Variants in SNX13 observed in about 807,000 individuals in gnomAD.
SNX13 encodes the protein sorting nexin-13.
SNX13 carries 45 observed loss-of-function variants against 133.6 expected under a neutral mutation model. The observed-to-expected ratio is 0.34, with a 90% CI of 0.27 to 0.43. The LOEUF (loss-of-function observed/expected upper bound fraction) is 0.43, where lower values mean the gene tolerates loss of function less well. Among genes scored for constraint, SNX13 ranks in the 20% least tolerant of loss-of-function variants. The pLI, the probability that SNX13 is intolerant of heterozygous loss-of-function variation, is 1.00. For missense variants in SNX13, 1,032 were observed against 1,145.1 expected, an observed-to-expected ratio of 0.90 and a Z score of 1.43; for synonymous variants, 414 against 373.9, an observed-to-expected ratio of 1.11 and a Z score of -1.24.
chr7:17,804,399 A>T (rs1784957370), intron 20 of SNX13, among the ~76,000 whole-genome samples: 1 of 152,158 alleles, frequency 6.6e-6, no homozygotes, highest in South Asian at 2.1e-4. Flanking sequence ...AGAATACATT[A>T]TATGTGCAAT....
intron 1 of SNX13, among the ~76,000 whole-genome samples, chr7:17,937,041 G>A (rs1044371468): frequency 2.2e-4 from 29 of 134,830 alleles, no homozygotes; most frequent in Admixed American, 2.0e-3. Flanking sequence ...AAACTAGCTA[G>A]ACGTTACATA....
At chr7:17,871,482 T>C (rs1047726305) in intron 8 of SNX13, among the ~76,000 whole-genome samples, 2 of 152,200 alleles carry the variant, frequency 1.3e-5, no homozygotes, top group East Asian at 1.9e-4. Flanking sequence ...TGAGTTTCCA[T>C]GTCTGTTCAT....
chr7:17,820,564 T>C (rs1358678305), intron 18 of SNX13, among the ~76,000 whole-genome samples: 5 of 152,132 alleles, frequency 3.3e-5, no homozygotes, highest in Non-Finnish European at 7.4e-5. Flanking sequence ...GAAGTCAACA[T>C]TAACTTCTTT....
chr7:17,845,332 A>G (rs1445999093), intron 12 of SNX13, among the ~76,000 whole-genome samples: 5 of 152,190 alleles, frequency 3.3e-5, no homozygotes, highest in Non-Finnish European at 7.4e-5. Context: ...AGTAGTCAAA[A>G]TTATAGAGAC....
chr7:17,910,616 T>C (rs983255301), intron 1 of SNX13, among the ~76,000 whole-genome samples: 1 of 152,134 alleles, frequency 6.6e-6, no homozygotes, highest in African/African-American at 2.4e-5. Context: ...TGTACACACA[T>C]GTTCACAGCA....
chr7:17,911,979 T>C (rs1799031734), intron 1 of SNX13, among the ~76,000 whole-genome samples: 1 of 152,214 alleles, frequency 6.6e-6, no homozygotes. Context: ...ATTCTATATT[T>C]GCAATCAGAG....
chr7:17,914,774 C>A (rs567044108), intron 1 of SNX13, among the ~76,000 whole-genome samples: 2 of 152,274 alleles, frequency 1.3e-5, no homozygotes, highest in East Asian at 1.9e-4. Flanking sequence ...CAAAAGCACA[C>A]GTAAGCACAT....
At chr7:17,833,521 A>C (rs1392179400) in intron 15 of SNX13, among the ~76,000 whole-genome samples, 3 of 151,662 alleles carry the variant, frequency 2.0e-5, no homozygotes, top group Non-Finnish European at 4.4e-5. Flanking sequence ...TATAACATGT[A>C]AATAGAACTC....
intron 15 of SNX13, chr7:17,830,884 C>T: frequency 2.0e-6 from 2 of 984,338 alleles, no homozygotes; most frequent in Non-Finnish European, 2.4e-6. Context: ...AAAAAAGCAA[C>T]ACTACTATTC....
At chr7:17,912,050 C>T (rs1382741341) in intron 1 of SNX13, among the ~76,000 whole-genome samples, 1 of 152,118 alleles carries the variant, frequency 6.6e-6, no homozygotes, top group African/African-American at 2.4e-5. Flanking sequence ...GTGCCTCAGC[C>T]ACTTGGAATT....
intron 13 of SNX13, among the ~76,000 whole-genome samples, chr7:17,835,451 A>C (rs959363504): frequency 2.6e-5 from 4 of 151,972 alleles, no homozygotes; most frequent in African/African-American, 9.7e-5. Context: ...AAAAGTCTTA[A>C]AATTAATTTG....
chr7:17,854,657 C>T (rs547116560), intron 9 of SNX13, among the ~76,000 whole-genome samples: 24 of 152,224 alleles, frequency 1.6e-4, no homozygotes, highest in African/African-American at 5.5e-4. Flanking sequence ...TGTTTTGGTG[C>T]ACTACAAAAC....
intron 12 of SNX13, among the ~76,000 whole-genome samples, chr7:17,843,930 A>T (rs984269410): frequency 1.3e-5 from 2 of 151,956 alleles, no homozygotes; most frequent in Non-Finnish European, 2.9e-5. Flanking sequence ...AACATAACAC[A>T]CCAAACTAAT....
chr7:17,886,712 C>A (rs1796034894), intron 5 of SNX13, among the ~76,000 whole-genome samples: 1 of 152,136 alleles, frequency 6.6e-6, no homozygotes, highest in South Asian at 2.1e-4. Flanking sequence ...GTTATAGTTT[C>A]TACTACACTA....
intron 25 of SNX13, 97 bp downstream of exon 25, chr7:17,796,727 AGTT>A (rs1352803681): frequency 5.0e-6 from 4 of 797,828 alleles, no homozygotes; most frequent in Non-Finnish European, 8.7e-6. Flanking sequence ...ATCAAAAGGT[AGTT>A]GTTATAATCA....
At chr7:17,818,371 A>G (rs906644427) in intron 18 of SNX13, among the ~76,000 whole-genome samples, 6 of 152,224 alleles carry the variant, frequency 3.9e-5, no homozygotes, top group Non-Finnish European at 7.3e-5. Context: ...TAAAAACCAC[A>G]GTAACAGTTA....
rs142513361 is a variant in SNX13, at chr7:17,796,805, T to C, written c.2626+22A>G. On this transcript the variant is annotated intron_variant, in intron 25 of 25. Coordinates refer to ENST00000428135, the MANE Select transcript of SNX13 (RefSeq NM_015132.5). ...GAAGAATGACAAATTATAAAGATTT[T>C]TAACTATACATGCTCACTCACCTGG... 70 of 1,520,312 alleles carry C rather than the reference T, an allele frequency of 4.6e-5. No homozygotes were observed. The African/African-American group carries it at 8.1e-4, about 18-fold the overall frequency. 94.2% of individuals were successfully genotyped at this position (1,520,312 alleles called of 1,614,324 possible). A position where few individuals can be genotyped will look rare whatever the true frequency, so the allele number is the denominator to read the frequency against.
At chr7:17,940,189 C>A (rs375935297) in intron 1 of SNX13, 95 bp downstream of exon 1, 2 of 1,513,882 alleles carry the variant, frequency 1.3e-6, no homozygotes, top group East Asian at 2.5e-5. Context: ...GGCGAAGGGT[C>A]AGGCCCACCT....
Position 17,875,482 on chromosome 7 carries a change from T to C in SNX13, c.662A>G (p.Glu221Gly). 1 of 1,604,326 alleles carries C rather than the reference T, an allele frequency of 6.2e-7. No homozygotes were observed. The highest frequency in any genetic ancestry group is 8.5e-7 in the Non-Finnish European group (1 of 1,177,600). The change falls in exon 7 of 26, where the codon GAA becomes GGA. Residue 221 changes from glutamate (E) to glycine (G), a missense_variant and splice_region_variant. Glu to Gly is a moderately conservative substitution (Grantham distance 98). Coordinates refer to ENST00000428135, the MANE Select transcript of SNX13 (RefSeq NM_015132.5). ...AAAAAGTTAAATTAAAAGAAAACCT[T>C]CTTCATCTTTGGGGGAAGTGCACAC... ...DLVCTSPKDE[E>G]GFLRDLCEVL...
Sources: allele counts gnomAD v4.1 joint callset (sites outside exome capture counted in the v4.1 genomes callset), GRCh38; gene constraint gnomAD v4.1.1; transcripts MANE v1.5; gene names NCBI Gene and HGNC (gene_info 2026-07-23, HGNC 2026-07-21).